Variants in DPYD observed in about 807,000 individuals in gnomAD.
DPYD encodes dihydropyrimidine dehydrogenase, also known as dihydropyrimidine dehydrogenase [NADP(+)].
Under a neutral mutation model 116.2 loss-of-function variants are expected in DPYD, and 109 were observed. The ratio of observed to expected loss-of-function variants is 0.94; its 90% CI spans 0.80 to 1.10. The LOEUF is 1.10. DPYD is among the 50% of genes least tolerant of loss of function. The pLI is 0.00. For synonymous variants in DPYD, 440 were observed against 432.0 expected (o/e 1.02, Z -0.23); for missense variants, 1,302 against 1,254.5 (o/e 1.04, Z -0.57).
Position 97,078,882 on chromosome 1 carries a change from A to T in DPYD, c.*94T>A. ...TATTTAGAAAATGTATATTTGTTTT[A>T]ATTTGGAAAGAGCTGAACACAAGGA... On this transcript the variant is annotated 3_prime_UTR_variant, in exon 23 of 23. Transcript: ENST00000370192. The T allele has an allele frequency of 7.1e-7, 1 of 1,404,986 alleles. No homozygotes were observed. The highest frequency in any genetic ancestry group is 1.4e-5 in the African/African-American group (1 of 70,514). 87.0% of individuals were successfully genotyped at this position (1,404,986 alleles called of 1,614,324 possible). A position where few individuals can be genotyped will look rare whatever the true frequency, so the allele number is the denominator to read the frequency against.
intron 20 of DPYD, 28 bp from the exon 21 acceptor site, chr1:97,098,660 G>A: frequency 1.2e-6 from 2 of 1,611,754 alleles, no homozygotes; most frequent in Non-Finnish European, 1.7e-6. Flanking sequence ...AAATAAGGAA[G>A]CATGTTAGCT....
chr1:97,749,651 A>G (rs1664762564), intron 3 of DPYD, among the ~76,000 whole-genome samples: 2 of 152,184 alleles, frequency 1.3e-5, no homozygotes, highest in Non-Finnish European at 1.5e-5. Context: ...ACACGTAGCC[A>G]TATTCTGAAG....
intron 14 of DPYD, among the ~76,000 whole-genome samples, chr1:97,399,675 G>A (rs1673243723): frequency 1.3e-5 from 2 of 152,094 alleles, no homozygotes; most frequent in African/African-American, 4.8e-5. Context: ...TCCCTTGTAA[G>A]TTGGATTCCT....
intron 18 of DPYD, among the ~76,000 whole-genome samples, chr1:97,268,857 T>C (rs943851000): frequency 2.0e-5 from 3 of 152,306 alleles, no homozygotes; most frequent in Admixed American, 1.3e-4. Context: ...CATATTAATC[T>C]CTTTAGCAAA....
chr1:97,207,597 C>T (rs975844666), intron 19 of DPYD, among the ~76,000 whole-genome samples: 3 of 152,066 alleles, frequency 2.0e-5, no homozygotes, highest in Admixed American at 2.0e-4. Context: ...ATTAAGAACC[C>T]TATAAAAGAT....
intron 14 of DPYD, among the ~76,000 whole-genome samples, chr1:97,404,949 CTT>C (rs558689579): frequency 1.8e-4 from 25 of 136,194 alleles, no homozygotes; most frequent in Admixed American, 2.9e-4. Flanking sequence ...ATCACTTGTA[CTT>C]TTTTTTTTTT....
intron 8 of DPYD, among the ~76,000 whole-genome samples, chr1:97,660,012 T>C (rs1029288921): frequency 2.6e-5 from 4 of 152,176 alleles, no homozygotes; most frequent in Non-Finnish European, 4.4e-5. Context: ...AATGGCATGG[T>C]GGTTGGTTCT....
intron 8 of DPYD, among the ~76,000 whole-genome samples, chr1:97,677,114 T>G (rs1478896878): frequency 6.6e-6 from 1 of 152,148 alleles, no homozygotes; most frequent in Non-Finnish European, 1.5e-5. Flanking sequence ...ATTGATTATT[T>G]CAGTTAGAAG....
chr1:97,525,757 TTA>T (rs1491457425), intron 12 of DPYD, among the ~76,000 whole-genome samples: 14 of 54,214 alleles, frequency 2.6e-4, no homozygotes, highest in African/African-American at 6.8e-5. Flanking sequence ...CCCTGGGTAA[TTA>T]GAGAGAGAGA....
chr1:97,463,979 C>T (rs1017642740), intron 13 of DPYD, among the ~76,000 whole-genome samples: 1 of 152,112 alleles, frequency 6.6e-6, no homozygotes, highest in Non-Finnish European at 1.5e-5. Flanking sequence ...TGGCTCATGC[C>T]TGTAACACCA....
intron 8 of DPYD, among the ~76,000 whole-genome samples, chr1:97,676,431 T>C (rs904710959): frequency 2.6e-5 from 4 of 152,174 alleles, no homozygotes; most frequent in African/African-American, 4.8e-5. Context: ...AATGTGAACA[T>C]GGTAACTACC....
At chr1:97,537,991 C>T (rs1031839659) in intron 12 of DPYD, among the ~76,000 whole-genome samples, 12 of 151,228 alleles carry the variant, frequency 7.9e-5, no homozygotes, top group African/African-American at 1.5e-4. Flanking sequence ...CGCTTGAACC[C>T]GGGAGGCGGA....
intron 2 of DPYD, among the ~76,000 whole-genome samples, chr1:97,865,883 T>C (rs887880106): frequency 6.6e-6 from 1 of 151,934 alleles, no homozygotes; most frequent in South Asian, 2.1e-4. Flanking sequence ...ATATATACAA[T>C]ACAACTTCTA....
chr1:97,463,664 T>C (rs1268198038), intron 13 of DPYD, among the ~76,000 whole-genome samples: 2 of 152,086 alleles, frequency 1.3e-5, no homozygotes, highest in Non-Finnish European at 2.9e-5. Flanking sequence ...TTGACAAAAA[T>C]GCTGATAATG....
At chr1:97,623,935 G>A (rs1656776345) in intron 8 of DPYD, among the ~76,000 whole-genome samples, 1 of 151,980 alleles carries the variant, frequency 6.6e-6, no homozygotes, top group Admixed American at 6.6e-5. Flanking sequence ...TCCACATGTA[G>A]AAGAACAAAA....
At chr1:97,496,572 T>G (rs1344743098) in intron 13 of DPYD, among the ~76,000 whole-genome samples, 3 of 152,078 alleles carry the variant, frequency 2.0e-5, no homozygotes, top group African/African-American at 7.2e-5. Flanking sequence ...ATCCTTCCAG[T>G]GAAAGTAAAC....
chr1:97,684,968 C>G (rs1229920969), intron 7 of DPYD, among the ~76,000 whole-genome samples: 2 of 152,062 alleles, frequency 1.3e-5, no homozygotes, highest in African/African-American at 2.4e-5. Flanking sequence ...CAATTGAAAA[C>G]AAGGGACTTC....
Position 97,761,493 on chromosome 1 carries a change from A to G in DPYD, c.234-21014T>C, listed in dbSNP as rs535260810. On this transcript the variant is annotated intron_variant, in intron 3 of 22. Transcript: ENST00000370192. ...AATTCTAAAGATAGAAAATCCTGAC[A>G]TTACAGCTATTACTAAAAAGCCAAA... Among the ~76,000 whole-genome samples, 128 of 152,260 alleles carry G rather than the reference A, an allele frequency of 8.4e-4. 1 individual carries two copies. Among genetic ancestry groups the G allele is most frequent in the South Asian group, 2.1e-3 (10 of 4,826 alleles).
intron 18 of DPYD, among the ~76,000 whole-genome samples, chr1:97,288,411 T>C (rs2100970691): frequency 6.6e-6 from 1 of 151,700 alleles, no homozygotes; most frequent in African/African-American, 2.4e-5. Flanking sequence ...CCACACCTAT[T>C]CCAAAACTGA....
Sources: allele counts gnomAD v4.1 joint callset (sites outside exome capture counted in the v4.1 genomes callset), GRCh38; gene constraint gnomAD v4.1.1; transcripts MANE v1.5; gene names NCBI Gene and HGNC (gene_info 2026-07-23, HGNC 2026-07-21).